Variants in XRN2 observed in about 807,000 individuals in gnomAD.
XRN2 encodes DHM1-like protein.
A neutral mutation model predicts 138.5 loss-of-function variants in XRN2; 44 were observed. That is an observed-to-expected ratio of 0.32 (90% CI 0.25 to 0.41). The LOEUF (loss-of-function observed/expected upper bound fraction) is 0.41. XRN2 is among the 10% of genes least tolerant of loss of function. The probability of loss-of-function intolerance (pLI) is 1.00; values close to 1 mark genes in which losing one functional copy is unlikely to be tolerated. For synonymous variants in XRN2, 354 were observed against 369.4 expected (o/e 0.96, Z 0.48); for missense variants, 937 against 1,169.3 (o/e 0.80, Z 2.90).
chr20:21,345,466 A>C (rs907360913), intron 16 of XRN2, among the ~76,000 whole-genome samples: 2 of 152,284 alleles, frequency 1.3e-5, no homozygotes, highest in Middle Eastern at 3.4e-3. Context: ...GATATGGTAT[A>C]TTCTGAAACA....
intron 26 of XRN2, among the ~76,000 whole-genome samples, chr20:21,366,177 TA>T (rs1361530374): frequency 1.6e-5 from 2 of 127,196 alleles, no homozygotes; most frequent in South Asian, 2.2e-4. Context: ...ATAATATATA[TA>T]AATATATATT....
rs1487484786 is a variant in XRN2 at position 21,346,404 on chromosome 20, C to T, written c.1530-11C>T. 3 of 1,613,586 alleles carry T rather than the reference C, an allele frequency of 1.9e-6. No homozygotes were observed. Among genetic ancestry groups the T allele is most frequent in the South Asian group, 1.1e-5 (1 of 91,058 alleles). On this transcript the variant is annotated splice_polypyrimidine_tract_variant and intron_variant, in intron 16 of 29. Coordinates refer to ENST00000377191, the MANE Select transcript of XRN2 (RefSeq NM_012255.5). ...GTTAATTCAGCATAAATGAGCTGTGCCTGGTTTTAGGTTATGGGAAGCTGG... is the reference window on the plus strand; with the variant it reads ...GTTAATTCAGCATAAATGAGCTGTGTCTGGTTTTAGGTTATGGGAAGCTGG...
At chr20:21,337,794 A>G (rs2038316098) in intron 13 of XRN2, among the ~76,000 whole-genome samples, 1 of 152,222 alleles carries the variant, frequency 6.6e-6, no homozygotes, top group Admixed American at 6.5e-5. Flanking sequence ...AGGAACAAAG[A>G]CACATAGCAA....
At chr20:21,375,709 A>C (rs1055198656) in intron 27 of XRN2, among the ~76,000 whole-genome samples, 1 of 151,968 alleles carries the variant, frequency 6.6e-6, no homozygotes. Flanking sequence ...ACTTTTGGTC[A>C]GTATCACCAC....
intron 28 of XRN2, among the ~76,000 whole-genome samples, chr20:21,385,018 TTGA>T (rs1365632798): frequency 2.0e-5 from 3 of 152,240 alleles, no homozygotes; most frequent in Non-Finnish European, 4.4e-5. Flanking sequence ...ATTTTAATTA[TTGA>T]TGATTTTTTT....
chr20:21,315,793 C>T (rs528610537), intron 1 of XRN2, among the ~76,000 whole-genome samples: 3 of 152,296 alleles, frequency 2.0e-5, no homozygotes, highest in East Asian at 1.9e-4. Flanking sequence ...CCATCATACC[C>T]GGCCTCTTTG....
chr20:21,337,783 G>A (rs2038315835), intron 13 of XRN2, among the ~76,000 whole-genome samples: 1 of 152,206 alleles, frequency 6.6e-6, no homozygotes, highest in African/African-American at 2.4e-5. Flanking sequence ...CTGGGGAGTT[G>A]AGGAACAAAG....
chr20:21,342,402 A>T lies in XRN2; in HGVS notation c.1410+1550A>T, dbSNP rs908969373. ...AATTTGAATTTAATATGAATCTGGTATGTTCACAAGGGAATATTTTTGTTG... is the reference window on the plus strand; with the variant it reads ...AATTTGAATTTAATATGAATCTGGTTTGTTCACAAGGGAATATTTTTGTTG... On this transcript the variant is annotated intron_variant, in intron 15 of 29. Transcript: ENST00000377191. Among the ~76,000 whole-genome samples, 3 of 152,348 alleles carry T rather than the reference A, an allele frequency of 2.0e-5. No individual in the cohort carries two copies. The South Asian group carries it at 6.2e-4, about 32-fold the overall frequency.
rs1011197036 is a variant in XRN2 at position 21,335,126 on chromosome 20, A to G, written c.1233+941A>G. On this transcript the variant is annotated intron_variant, in intron 13 of 29. Transcript: ENST00000377191. ...CTGAAGAGATGGGAAGCCATGCTCAAGGGGTCACAGTGAGATGGACAGGCA... is the reference window on the plus strand; with the variant it reads ...CTGAAGAGATGGGAAGCCATGCTCAGGGGGTCACAGTGAGATGGACAGGCA... 1.2e-4 allele frequency among the ~76,000 whole-genome samples: 19 copies of G among 152,304 alleles called. No homozygotes were observed. In the East Asian group the frequency reaches 3.5e-3, roughly 28 times the overall value.
intron 1 of XRN2, among the ~76,000 whole-genome samples, chr20:21,317,238 G>GTT (rs1342077485): frequency 5.3e-5 from 8 of 151,570 alleles, no homozygotes. Flanking sequence ...TTTTTTGTTT[G>GTT]TTTGTTTTTG....
At chr20:21,342,976 A>T (rs571946905) in intron 15 of XRN2, among the ~76,000 whole-genome samples, 1 of 152,212 alleles carries the variant, frequency 6.6e-6, no homozygotes, top group East Asian at 1.9e-4. Context: ...CATTAATAAC[A>T]TTGACATTAT....
At chr20:21,337,211 G>C (rs2038307577) in intron 13 of XRN2, among the ~76,000 whole-genome samples, 1 of 152,202 alleles carries the variant, frequency 6.6e-6, no homozygotes, top group Non-Finnish European at 1.5e-5. Context: ...TGGAGGGAAA[G>C]GTCAAAGCAG....
intron 26 of XRN2, among the ~76,000 whole-genome samples, chr20:21,366,356 G>A (rs888558784): frequency 6.7e-6 from 1 of 149,214 alleles, no homozygotes; most frequent in East Asian, 2.0e-4. Flanking sequence ...GACCATCCTG[G>A]CTAACACAGT....
chr20:21,330,518 T>C lies in XRN2; in HGVS notation c.465T>C (p.Phe155=). ...CTCCAGAAGAAATAAAAGAAAGATTTGACAGCAACTGTATTACACCAGTAA... is the reference window on the plus strand; with the variant it reads ...CTCCAGAAGAAATAAAAGAAAGATTCGACAGCAACTGTATTACACCAGTAA... The part of the protein sequence containing the change: ...FLPPEEIKER[F]DSNCITPGTE... The change falls in exon 5 of 30, where the codon TTT becomes TTC. Residue 155 remains phenylalanine (F), a synonymous_variant. Transcript: ENST00000377191. The C allele has an allele frequency of 6.2e-7, 1 of 1,613,940 alleles. No individual in the cohort carries two copies. Among genetic ancestry groups the C allele is most frequent in the Non-Finnish European group, 8.5e-7 (1 of 1,179,952 alleles).
At chr20:21,338,100 A>G (rs921256179) in intron 13 of XRN2, among the ~76,000 whole-genome samples, 3 of 152,122 alleles carry the variant, frequency 2.0e-5, no homozygotes, top group Non-Finnish European at 4.4e-5. Flanking sequence ...GAAAGCACCA[A>G]TTTCCAATTT....
At chr20:21,377,509 C>T (rs1228518151) in intron 27 of XRN2, among the ~76,000 whole-genome samples, 4 of 150,976 alleles carry the variant, frequency 2.6e-5, no homozygotes, top group African/African-American at 4.9e-5. Context: ...CTGCCTGCCT[C>T]AGCCTCCCAA....
At chr20:21,310,678 A>G (rs1027156430) in intron 1 of XRN2, among the ~76,000 whole-genome samples, 4 of 151,802 alleles carry the variant, frequency 2.6e-5, no homozygotes, top group East Asian at 1.9e-4. Flanking sequence ...TTGCATCTTT[A>G]TGTTTAAAGT....
rs2038965910 is a variant in XRN2, at chr20:21,389,342, T to A, written c.*4T>A. Reference sequence around the variant, plus strand: ...AGGAAGATACAATTGGAATTAAGCTTTTGTAAAGCTTTCCCAAATCCTTTC... The same window carrying A: ...AGGAAGATACAATTGGAATTAAGCTATTGTAAAGCTTTCCCAAATCCTTTC... On this transcript the variant is annotated 3_prime_UTR_variant, in exon 30 of 30. Coordinates refer to ENST00000377191, the MANE Select transcript of XRN2 (RefSeq NM_012255.5). 6.8e-6 allele frequency: 11 copies of A among 1,611,034 alleles called. No homozygotes were observed. Among genetic ancestry groups the A allele is most frequent in the African/African-American group, 1.3e-5 (1 of 74,834 alleles).
chr20:21,311,144 T>C (rs1215891157), intron 1 of XRN2, among the ~76,000 whole-genome samples: 6 of 152,182 alleles, frequency 3.9e-5, no homozygotes, highest in Admixed American at 1.3e-4. Flanking sequence ...TGTTTTAAAG[T>C]GTACAATTCA....
Sources: allele counts gnomAD v4.1 joint callset (sites outside exome capture counted in the v4.1 genomes callset), GRCh38; gene constraint gnomAD v4.1.1; transcripts MANE v1.5; gene names NCBI Gene and HGNC (gene_info 2026-07-23, HGNC 2026-07-21).